The following FSTL5 variants were observed in gnomAD, a reference collection of about 807,000 sequenced individuals.
The protein encoded by FSTL5 is follistatin-related protein 5.
Under a neutral mutation model 89.1 loss-of-function variants are expected in FSTL5, and 62 were observed. That is an observed-to-expected ratio of 0.70 (90% CI 0.57 to 0.86). The LOEUF (loss-of-function observed/expected upper bound fraction) is 0.86, where lower values mean the gene tolerates loss of function less well. FSTL5 is among the 40% of genes least tolerant of loss of function. The probability of loss-of-function intolerance (pLI) is 0.00; values close to 1 mark genes in which losing one functional copy is unlikely to be tolerated. For missense variants in FSTL5, 1,057 were observed against 1,001.6 expected, an observed-to-expected ratio of 1.06 and a Z score of -0.75; for synonymous variants, 383 against 346.2, an observed-to-expected ratio of 1.11 and a Z score of -1.18.
chr4:161,552,377 A>G (rs567619677), intron 8 of FSTL5: 15 of 151,824 alleles, frequency 9.9e-5, no homozygotes, highest in Non-Finnish European at 1.8e-4. Context: ...AAATTGAGAC[A>G]GCCTAAATCT....
intron 2 of FSTL5, among the ~76,000 whole-genome samples, chr4:162,062,554 G>A (rs531015087): frequency 1.1e-3 from 169 of 151,432 alleles, no homozygotes; most frequent in Non-Finnish European, 1.7e-3. Context: ...ACATTCACAG[G>A]CCTGACATTT....
chr4:161,468,486 C>T (rs931543661), intron 13 of FSTL5, among the ~76,000 whole-genome samples: 5 of 151,998 alleles, frequency 3.3e-5, no homozygotes, highest in Non-Finnish European at 5.9e-5. Context: ...GATTGCTGCC[C>T]GCAAGCATAT....
intron 15 of FSTL5, among the ~76,000 whole-genome samples, chr4:161,396,653 T>TAA (rs202204959): frequency 0.025 from 3,087 of 125,100 alleles, 133 homozygotes; most frequent in African/African-American, 0.087. Context: ...CACTCTGTCT[T>TAA]AAAAAAAAAA....
At chr4:162,149,778 T>C (rs911945863) in intron 1 of FSTL5, among the ~76,000 whole-genome samples, 12 of 152,180 alleles carry the variant, frequency 7.9e-5, no homozygotes, top group African/African-American at 2.4e-4. Context: ...GAAAAATATT[T>C]TTGTTCCTGG....
At chr4:161,671,748 C>T (rs28438030) in intron 6 of FSTL5, among the ~76,000 whole-genome samples, 1,983 of 152,192 alleles carry the variant, frequency 0.013, 33 homozygotes, top group African/African-American at 0.044. Flanking sequence ...ACAACTGTAA[C>T]AGTTGCTATA....
chr4:161,806,729 ATTG>A (rs1475405511), intron 4 of FSTL5, among the ~76,000 whole-genome samples: 2 of 152,158 alleles, frequency 1.3e-5, no homozygotes, highest in Non-Finnish European at 2.9e-5. Flanking sequence ...CACAGAATGA[ATTG>A]TTAAGAAATT....
intron 11 of FSTL5, among the ~76,000 whole-genome samples, chr4:161,500,785 G>A (rs528656470): frequency 6.6e-6 from 1 of 151,886 alleles, no homozygotes; most frequent in African/African-American, 2.4e-5. Flanking sequence ...TTCACACTAC[G>A]GATCTGGATG....
chr4:162,130,267 G>C (rs1732245010), intron 1 of FSTL5, among the ~76,000 whole-genome samples: 1 of 152,164 alleles, frequency 6.6e-6, no homozygotes. Context: ...TAGTAATACA[G>C]TGTTAAATGT....
intron 1 of FSTL5, among the ~76,000 whole-genome samples, chr4:162,156,062 C>T (rs558611428): frequency 6.6e-6 from 1 of 152,198 alleles, no homozygotes; most frequent in South Asian, 2.1e-4. Flanking sequence ...TGACTTCAGA[C>T]AAAACTTGGT....
chr4:162,010,312 C>A (rs1439247531), intron 3 of FSTL5, among the ~76,000 whole-genome samples: 1 of 152,054 alleles, frequency 6.6e-6, no homozygotes, highest in Non-Finnish European at 1.5e-5. Flanking sequence ...AAAGCACGCT[C>A]ACTTAAGAAA....
intron 4 of FSTL5, among the ~76,000 whole-genome samples, chr4:161,801,286 T>A (rs181335948): frequency 6.6e-6 from 1 of 151,682 alleles, no homozygotes; most frequent in Admixed American, 6.6e-5. Flanking sequence ...TTAATCTTTT[T>A]GTGGCTAGTA....
intron 4 of FSTL5, among the ~76,000 whole-genome samples, chr4:161,791,257 G>C (rs532413548): frequency 1.3e-5 from 2 of 151,992 alleles, no homozygotes; most frequent in Non-Finnish European, 2.9e-5. Context: ...GGAGAGAAAA[G>C]AAAGTGAGCA....
chr4:161,468,752 T>C (rs1419810667), intron 13 of FSTL5, among the ~76,000 whole-genome samples: 2 of 152,176 alleles, frequency 1.3e-5, no homozygotes, highest in Non-Finnish European at 2.9e-5. Flanking sequence ...TTTACTAGCA[T>C]GATTTTAACT....
At chr4:161,600,389 T>G (rs545183257) in intron 7 of FSTL5, among the ~76,000 whole-genome samples, 1 of 152,204 alleles carries the variant, frequency 6.6e-6, no homozygotes, top group African/African-American at 2.4e-5. Context: ...AGGCTTCAGA[T>G]TCATTGGTAA....
intron 4 of FSTL5, 65 bp downstream of exon 4, chr4:161,920,339 A>G (rs1247669980): frequency 2.3e-5 from 35 of 1,512,498 alleles, no homozygotes; most frequent in Non-Finnish European, 3.1e-5. Context: ...CTAGAGTTTA[A>G]AGGCACTAGT....
chr4:162,041,249 G>T (rs1737943283), intron 2 of FSTL5, among the ~76,000 whole-genome samples: 1 of 145,992 alleles, frequency 6.8e-6, no homozygotes, highest in Non-Finnish European at 1.5e-5. Flanking sequence ...ATAGCAAAGT[G>T]TAAAAGCACA....
At chr4:161,441,131 C>T (rs552257302) in intron 15 of FSTL5, among the ~76,000 whole-genome samples, 3 of 152,180 alleles carry the variant, frequency 2.0e-5, no homozygotes, top group Non-Finnish European at 4.4e-5. Context: ...ATAAGGCAGT[C>T]AGTGGCGCTA....
chr4:161,645,143 T>A (rs1392067724), intron 7 of FSTL5, among the ~76,000 whole-genome samples: 1 of 152,046 alleles, frequency 6.6e-6, no homozygotes, highest in Non-Finnish European at 1.5e-5. Context: ...ACATAGCAGT[T>A]GTAGCCATGA....
chr4:161,783,633 T>TTTTC (rs1271968429), intron 4 of FSTL5, among the ~76,000 whole-genome samples: 1 of 35,920 alleles, frequency 2.8e-5, no homozygotes, highest in African/African-American at 7.2e-5. Context: ...TTTCTCTTTC[T>TTTTC]TTTCTTTCTT....
Sources: gnomAD v4.1 joint callset for allele counts (sites outside exome capture counted in the v4.1 genomes callset) on GRCh38, gnomAD v4.1.1 for gene constraint, MANE v1.5 for transcripts, NCBI Gene and HGNC (gene_info 2026-07-23, HGNC 2026-07-21) for gene names.